Variants in RABEP2 observed in about 807,000 individuals in gnomAD.
RABEP2 encodes the protein rabaptin, RAB GTPase binding effector protein 2, also known as rab GTPase-binding effector protein 2.
A neutral mutation model predicts 74.1 loss-of-function variants in RABEP2; 57 were observed. The ratio of observed to expected loss-of-function variants is 0.77; its 90% confidence interval spans 0.62 to 0.96. The LOEUF (loss-of-function observed/expected upper bound fraction) is 0.96. Ranked by LOEUF, RABEP2 falls within the 40% of genes least tolerant of loss-of-function variation. The pLI, the probability that RABEP2 is intolerant of heterozygous loss-of-function variation, is 0.00. For missense variants in RABEP2, 692 were observed against 756.3 expected (o/e 0.91, Z 1.00); for synonymous variants, 351 against 344.0 (o/e 1.02, Z -0.23).
intron 12 of RABEP2, 37 bp from the exon 13 acceptor site, chr16:28,905,081 G>A (rs139347636): frequency 2.3e-5 from 35 of 1,546,260 alleles, no homozygotes; most frequent in Non-Finnish European, 2.9e-5. Context: ...GTGCACTTGT[G>A]GGGAAACGCA....
rs776855428 is a variant in RABEP2, at chr16:28,906,001, T to C, written c.1423+18A>G. On this transcript the variant is annotated intron_variant, in intron 9 of 12. Coordinates refer to ENST00000358201, the MANE Select transcript of RABEP2 (RefSeq NM_024816.3). ...GGGCCCTGGGCCCGGGGCTGGGGGC[T>C]TGTGCCCCTCCCCTCACCTGTCTCC... The C allele has an allele frequency of 6.2e-7, 1 of 1,608,700 alleles. No homozygotes were observed. The highest frequency in any genetic ancestry group is 8.5e-7 in the Non-Finnish European group (1 of 1,178,160).
chr16:28,920,406 G>C (rs1416771276), intron 2 of RABEP2, among the ~76,000 whole-genome samples: 3 of 144,870 alleles, frequency 2.1e-5, no homozygotes, highest in Non-Finnish European at 4.5e-5. Flanking sequence ...ATTATTTTGA[G>C]ACAGAGTCTC....
rs1462212683 is a variant in RABEP2 at position 28,905,532 on chromosome 16, C to T, written c.1492-19G>A. 1 of 1,605,688 alleles carries T rather than the reference C, an allele frequency of 6.2e-7. No individual in the cohort carries two copies. The highest frequency in any genetic ancestry group is 8.5e-7 in the Non-Finnish European group (1 of 1,175,368). On this transcript the variant is annotated intron_variant, in intron 11 of 12. Coordinates refer to ENST00000358201, the MANE Select transcript of RABEP2 (RefSeq NM_024816.3). ...GCTGGGCCTGCGGGGACAGACACCA[C>T]ACTGAGCTGGGCCTGGCTCAGCCTG...
At position 28,904,620 on chromosome 16, in the gene RABEP2, C is replaced by A; in HGVS notation, c.*323G>T. The A allele has an allele frequency of 9.7e-7, 1 of 1,035,938 alleles. No homozygotes were observed. Among genetic ancestry groups the A allele is most frequent in the Non-Finnish European group, 1.3e-6 (1 of 759,000 alleles). The allele number at this position is 1,035,938 out of a possible 1,614,324, so 64.2% of individuals were successfully genotyped here. A position where few individuals can be genotyped will look rare whatever the true frequency, so the allele number is the denominator to read the frequency against. ...CCAGCCCCCATGGCTCCGCTGTGCC[C>A]TGGGCAGGGGACGGGCTGGGGGCAG... On this transcript the variant is annotated 3_prime_UTR_variant, in exon 13 of 13. Transcript: ENST00000358201.
intron 6 of RABEP2, 31 bp downstream of exon 6, chr16:28,911,053 G>A (rs775314662): frequency 1.9e-5 from 30 of 1,604,644 alleles, no homozygotes; most frequent in Middle Eastern, 1.7e-4. Flanking sequence ...GCCAGAGGCC[G>A]GCTGGGGCTG....
In RABEP2 at chr16:28,905,499, G is replaced by A. The variant is rs1196470916; in HGVS notation, c.1506C>T (p.Asp502=). 2 of 1,611,120 alleles carry A rather than the reference G, an allele frequency of 1.2e-6. No individual in the cohort carries two copies. Among genetic ancestry groups the A allele is most frequent in the Admixed American group, 1.7e-5 (1 of 59,706 alleles). The change falls in exon 12 of 13, where the codon GAC becomes GAT. Residue 502 remains aspartate (D), a synonymous_variant. Transcript: ENST00000358201. The part of the protein sequence containing the change: ...QQEQSKAQLP[D]LLSEQRAKVL... ...CCTTGGCCCTCTGTTCTGAGAGGAG[G>A]TCTGGGAGCTGGGCCTGCGGGGACA...
intron 5 of RABEP2, among the ~76,000 whole-genome samples, chr16:28,912,169 C>A (rs893070810): frequency 3.0e-5 from 4 of 135,036 alleles, no homozygotes; most frequent in Middle Eastern, 3.5e-3. Context: ...TGGCATGAAC[C>A]CGGTAGGTGG....
chr16:28,908,576 G>A, intron 8 of RABEP2, 33 bp downstream of exon 8: 2 of 1,567,048 alleles, frequency 1.3e-6, no homozygotes, highest in Non-Finnish European at 1.7e-6. Context: ...CCTCACGGTG[G>A]CTCCAGGCTC....
chr16:28,921,732 G>A (rs1367926912), intron 2 of RABEP2, among the ~76,000 whole-genome samples: 4 of 150,240 alleles, frequency 2.7e-5, no homozygotes, highest in Admixed American at 6.7e-5. Flanking sequence ...TTGGGAGGCC[G>A]AGGTGGGCAG....
intron 3 of RABEP2, among the ~76,000 whole-genome samples, chr16:28,916,970 G>A (rs1411492896): frequency 1.3e-5 from 2 of 149,154 alleles, no homozygotes; most frequent in African/African-American, 2.5e-5. Flanking sequence ...GCCTGGGGAC[G>A]GAGCAAGACT....
chr16:28,924,558 A>C lies in RABEP2; in HGVS notation c.119T>G (p.Leu40Arg). ...TGCCAGCTCAGCCCGAAGCCGGCTG[A>C]GCTCACCTGACTCGGCCTCACCATT... is the stretch of plus-strand genomic sequence containing the variant. ...GANGEAESGELSRLRAELAGA... is the reference protein window; with the variant it reads ...GANGEAESGERSRLRAELAGA... Residue 40 changes from leucine (L) to arginine (R), a missense_variant, in exon 2 of 13, where the codon CTC (leucine) becomes CGC (arginine). Transcript: ENST00000358201. 6.2e-7 allele frequency: 1 copy of C among 1,613,580 alleles called. No homozygotes were observed.
At chr16:28,914,154 G>A in intron 5 of RABEP2, 82 bp downstream of exon 5, 1 of 1,185,244 alleles carries the variant, frequency 8.4e-7, no homozygotes, top group Non-Finnish European at 1.2e-6. Context: ...CTCTAGTTCT[G>A]GGTCTGAACA....
chr16:28,924,037 G>A, intron 2 of RABEP2: 1 of 322,314 alleles, frequency 3.1e-6, no homozygotes, highest in East Asian at 8.7e-5. Context: ...ACAGAGACTG[G>A]GCCAGGGCTG....
At position 28,904,892 on chromosome 16, in the gene RABEP2, G is replaced by T; in HGVS notation, c.*51C>A. On this transcript the variant is annotated 3_prime_UTR_variant, in exon 13 of 13. Transcript: ENST00000358201. Reference sequence around the variant, plus strand: ...CCCAGAGCGAGGCCTCATGGTTCAGGAGTGGGGAAAGGCGTCTTTCCCAGG... The same window carrying T: ...CCCAGAGCGAGGCCTCATGGTTCAGTAGTGGGGAAAGGCGTCTTTCCCAGG... The T allele has an allele frequency of 1.5e-6, 2 of 1,375,928 alleles. No individual in the cohort carries two copies. The highest frequency in any genetic ancestry group is 1.4e-5 in the African/African-American group (1 of 70,646). 85.2% of individuals were successfully genotyped at this position (1,375,928 alleles called of 1,614,324 possible). A position where few individuals can be genotyped will look rare whatever the true frequency, so the allele number is the denominator to read the frequency against.
Position 28,905,376 on chromosome 16 carries a change from CG to C in RABEP2, c.1608+20del. ...CCCGGAGTGGAGCCAGCCAGCCTGG[CG>C]GGGCTGGGACAGGCCATACCTGCAG... On this transcript the variant is annotated intron_variant, in intron 12 of 12. Transcript: ENST00000358201. The C allele has an allele frequency of 6.4e-7, 1 of 1,571,628 alleles. No homozygotes were observed.
chr16:28,906,242 A>G, intron 8 of RABEP2, 46 bp from the exon 9 acceptor site: 1 of 1,506,268 alleles, frequency 6.6e-7, no homozygotes, highest in Admixed American at 2.2e-5. Flanking sequence ...GCAGGAGGGC[A>G]GGAGGGCAGG....
chr16:28,911,305 C>G, intron 5 of RABEP2, 126 bp from the exon 6 acceptor site: 1 of 838,792 alleles, frequency 1.2e-6, no homozygotes, highest in Admixed American at 2.3e-5. Flanking sequence ...CAGGCCCAGC[C>G]ATCCATTCTC....
At chr16:28,921,927 C>T (rs6565293) in intron 2 of RABEP2, among the ~76,000 whole-genome samples, 105,441 of 151,690 alleles carry the variant, frequency 0.7, 36,921 homozygotes, top group South Asian at 0.83. Context: ...ATTGTGCCAC[C>T]GCACTTCAGC....
chr16:28,924,799 C>A, intron 1 of RABEP2, 184 bp from the exon 2 acceptor site: 1 of 690,822 alleles, frequency 1.4e-6, no homozygotes, highest in Admixed American at 2.1e-5. Flanking sequence ...GTGCTGCCTA[C>A]ACTCCATCTC....
Sources: allele counts gnomAD v4.1 joint callset (sites outside exome capture counted in the v4.1 genomes callset), GRCh38; gene constraint gnomAD v4.1.1; transcripts MANE v1.5; gene names NCBI Gene and HGNC (gene_info 2026-07-23, HGNC 2026-07-21).